Variants in WDR31 observed in about 807,000 individuals in gnomAD.
WDR31 encodes WD repeat-containing protein 31.
WDR31 carries 30 observed loss-of-function variants against 47.3 expected under a neutral mutation model. The observed-to-expected ratio is 0.63, with a 90% CI of 0.47 to 0.86. WDR31 has a LOEUF of 0.86. Ranked by LOEUF, WDR31 falls within the 40% of genes least tolerant of loss-of-function variation. The pLI is 0.00. For missense variants in WDR31, 406 were observed against 442.9 expected (o/e 0.92, Z 0.75); for synonymous variants, 137 against 159.4 (o/e 0.86, Z 1.06).
intron 5 of WDR31, among the ~76,000 whole-genome samples, chr9:113,325,364 A>G (rs1833438687): frequency 6.6e-6 from 1 of 152,106 alleles, no homozygotes; most frequent in South Asian, 2.1e-4. Context: ...GCTATCATAT[A>G]TATGTTTGAT....
rs748097796 is a variant in WDR31 at position 113,323,154 on chromosome 9, AC to A, written c.325del (p.Val109Ter). 47 of 1,612,570 alleles carry A rather than the reference AC, an allele frequency of 2.9e-5. No homozygotes were observed. In the East Asian group the frequency reaches 1.0e-3, roughly 35 times the overall value. On this transcript the variant is annotated frameshift_variant and splice_region_variant, in exon 6 of 11. Coordinates refer to ENST00000374193, the MANE Select transcript of WDR31 (RefSeq NM_001012361.4). LOFTEE classifies it high-confidence loss of function. ...FKGHEHEITK[V>X]ACIPKSSQFF... ...CTGGCTGGATTTGGGAATACAGGCT[AC>A]CTGCTCAGGGAAAAAACAACAACAC... is the stretch of plus-strand genomic sequence containing the variant.
chr9:113,335,376 G>T (rs1833695039), intron 2 of WDR31, among the ~76,000 whole-genome samples: 1 of 152,202 alleles, frequency 6.6e-6, no homozygotes, highest in African/African-American at 2.4e-5. Context: ...CCTGCGACTG[G>T]CTGTGATATC....
At chr9:113,324,484 G>A (rs1055261701) in intron 5 of WDR31, among the ~76,000 whole-genome samples, 1 of 151,106 alleles carries the variant, frequency 6.6e-6, no homozygotes, top group African/African-American at 2.4e-5. Context: ...TCCCTTCCCG[G>A]GCTCAAGCAA....
chr9:113,320,412 C>A lies in WDR31; in HGVS notation c.725G>T (p.Gly242Val). 1 of 1,614,246 alleles carries A rather than the reference C, an allele frequency of 6.2e-7. No individual in the cohort carries two copies. Among genetic ancestry groups the A allele is most frequent in the Non-Finnish European group, 8.5e-7 (1 of 1,180,036 alleles). ...IQTYCEVSVD[G>V]HKCISCSNGF... ...ATTGCTGCAGGAGATACACTTGTGT[C>A]CATCCACACTGACTTCACAGTAGGT... Residue 242 changes from glycine (G) to valine (V), a missense_variant, in exon 9 of 11, where the codon GGA becomes GTA. By Grantham distance (109) the Gly-to-Val change is moderately radical. Coordinates refer to ENST00000374193, the MANE Select transcript of WDR31 (RefSeq NM_001012361.4).
At position 113,318,645 on chromosome 9, in the gene WDR31, G is replaced by A. The variant is rs1224994810; in HGVS notation, c.781-8C>T. The A allele has an allele frequency of 6.2e-7, 1 of 1,613,934 alleles. No homozygotes were observed. On this transcript the variant is annotated splice_polypyrimidine_tract_variant and splice_region_variant and intron_variant, in intron 9 of 10. Transcript: ENST00000374193. ...CTGTCTTAGGTCCCACAACTGCAAA[G>A]TAATGACATGGACCAGCTCATAGTC...
chr9:113,320,512 G>A lies in WDR31; in HGVS notation c.639-14C>T, dbSNP rs1416813381. 1 of 1,610,988 alleles carries A rather than the reference G, an allele frequency of 6.2e-7. No homozygotes were observed. The highest frequency in any genetic ancestry group is 2.2e-5 in the East Asian group (1 of 44,806). On this transcript the variant is annotated splice_polypyrimidine_tract_variant and intron_variant, in intron 8 of 10. Transcript: ENST00000374193. ...CTGTCCCATAATCTGAAAGAGATTA[G>A]GGCAGGAAATTAGCTTGTAGTAAAT... is the stretch of plus-strand genomic sequence containing the variant.
intron 3 of WDR31, 142 bp from the exon 4 acceptor site, chr9:113,331,258 G>T: frequency 1.7e-6 from 1 of 589,356 alleles, no homozygotes; most frequent in Admixed American, 3.3e-5. Flanking sequence ...AGAAGAGAAG[G>T]GAGACCCATT....
intron 5 of WDR31, among the ~76,000 whole-genome samples, chr9:113,326,031 C>T (rs1224973612): frequency 6.6e-6 from 1 of 152,194 alleles, no homozygotes; most frequent in Non-Finnish European, 1.5e-5. Context: ...CCTGCCTCAG[C>T]CTCTCGAGTA....
rs753996497 is a variant in WDR31, at chr9:113,318,628, G to A, written c.790C>T (p.Leu264=). ...CATATTCTGTTTCGAGTCTGTCTTA[G>A]GTCCCACAACTGCAAAGTAATGACA... ...GEGCEATLWD[L]RQTRNRICEY... The change falls in exon 10 of 11, where the codon CTA becomes TTA. Residue 264 remains leucine, a synonymous_variant. Transcript: ENST00000374193. 1.2e-6 allele frequency: 2 copies of A among 1,613,902 alleles called. No individual in the cohort carries two copies. The highest frequency in any genetic ancestry group is 1.7e-5 in the Admixed American group (1 of 59,990).
At chr9:113,338,814 C>G (rs931965598) in intron 1 of WDR31, among the ~76,000 whole-genome samples, 2 of 152,116 alleles carry the variant, frequency 1.3e-5, no homozygotes, top group Admixed American at 1.3e-4. Context: ...GACAGGATTT[C>G]TCCATATTAG....
intron 5 of WDR31, among the ~76,000 whole-genome samples, chr9:113,326,939 G>C (rs1309788690): frequency 6.6e-6 from 1 of 151,930 alleles, no homozygotes; most frequent in Non-Finnish European, 1.5e-5. Flanking sequence ...GGACTCAAGT[G>C]ATCCTTCCAC....
chr9:113,325,908 AT>A (rs1833451733), intron 5 of WDR31, among the ~76,000 whole-genome samples: 2 of 102,008 alleles, frequency 2.0e-5, no homozygotes, highest in Admixed American at 8.3e-5. Context: ...CACATTCTTT[AT>A]TTTTTATTTT....
At chr9:113,330,945 C>A (rs913557927) in intron 4 of WDR31, 39 bp downstream of exon 4, 1 of 1,558,296 alleles carries the variant, frequency 6.4e-7, no homozygotes, top group Non-Finnish European at 8.7e-7. Context: ...CCTTTCCCTG[C>A]AATAAAGTTC....
chr9:113,321,811 T>C (rs1833332566), intron 7 of WDR31, among the ~76,000 whole-genome samples: 1 of 152,098 alleles, frequency 6.6e-6, no homozygotes, highest in Admixed American at 6.6e-5. Flanking sequence ...CCAAAATACA[T>C]GCAGGCACCC....
intron 1 of WDR31, among the ~76,000 whole-genome samples, chr9:113,337,435 C>T (rs1418471275): frequency 6.7e-5 from 10 of 150,260 alleles, no homozygotes; most frequent in Non-Finnish European, 1.3e-4. Flanking sequence ...ACATGACATT[C>T]GAAGGAAATA....
At chr9:113,328,721 A>C (rs1479223609) in intron 5 of WDR31, among the ~76,000 whole-genome samples, 160 bp downstream of exon 5, 1 of 152,260 alleles carries the variant, frequency 6.6e-6, no homozygotes, top group African/African-American at 2.4e-5. Flanking sequence ...AACTAAGTGA[A>C]TGGTTTGCTC....
intron 1 of WDR31, among the ~76,000 whole-genome samples, chr9:113,339,804 G>C (rs1280830308): frequency 6.6e-6 from 1 of 152,194 alleles, no homozygotes; most frequent in African/African-American, 2.4e-5. Context: ...GCAGTGGCGC[G>C]ATCTCGGCTC....
chr9:113,338,545 C>T (rs1306003491), intron 1 of WDR31, among the ~76,000 whole-genome samples: 1 of 151,644 alleles, frequency 6.6e-6, no homozygotes, highest in Non-Finnish European at 1.5e-5. Context: ...GGAGAATGAA[C>T]GCAAGGCAAA....
At position 113,331,134 on chromosome 9, in the gene WDR31, A is replaced by G; in HGVS notation, c.117-18T>C. The G allele has an allele frequency of 8.1e-7, 1 of 1,235,668 alleles. No individual in the cohort carries two copies. Among genetic ancestry groups the G allele is most frequent in the Non-Finnish European group, 1.1e-6 (1 of 929,664 alleles). 76.5% of individuals were successfully genotyped at this position (1,235,668 alleles called of 1,614,324 possible). On this transcript the variant is annotated intron_variant, in intron 3 of 10. Transcript: ENST00000374193. ...CAGGCCTGCTAAAAAGAGTATAGAA[A>G]ATGAGAGACCCAATGGCATGGGAGT...
Sources: gnomAD v4.1 joint callset for allele counts (sites outside exome capture counted in the v4.1 genomes callset) on GRCh38, gnomAD v4.1.1 for gene constraint, MANE v1.5 for transcripts, NCBI Gene and HGNC (gene_info 2026-07-23, HGNC 2026-07-21) for gene names.